Variants in MYOM3 observed in about 807,000 individuals in gnomAD.
The protein encoded by MYOM3 is myomesin 3.
Under a neutral mutation model 191.7 loss-of-function variants are expected in MYOM3, and 155 were observed. That is an observed-to-expected ratio of 0.81 (90% CI 0.71 to 0.92). The LOEUF (loss-of-function observed/expected upper bound fraction) is 0.92, where lower values mean the gene tolerates loss of function less well. Among genes scored for constraint, MYOM3 ranks in the 40% least tolerant of loss-of-function variants. MYOM3 has a pLI of 0.00. For synonymous variants in MYOM3, 757 were observed against 762.9 expected (o/e 0.99, Z 0.13); for missense variants, 1,889 against 1,890.6 (o/e 1.00, Z 0.02).
chr1:24,097,056 C>G (rs193276236), intron 7 of MYOM3, among the ~76,000 whole-genome samples: 220 of 152,342 alleles, frequency 1.4e-3, no homozygotes, highest in African/African-American at 5.2e-3. Flanking sequence ...CTGGCTGACT[C>G]CTGAGTGTCT....
rs1570885552 is a variant in MYOM3, at chr1:24,100,675, A to C, written c.561-900T>G. ...GCTGAGGCGGGCGGATCACGAGGTC[A>C]GGAGCTCGAGACTATCCTGGCTAAC... On this transcript the variant is annotated intron_variant, in intron 5 of 36. Transcript: ENST00000374434. Among the ~76,000 whole-genome samples the C allele has an allele frequency of 2.6e-5, 4 of 152,298 alleles. No homozygotes were observed. In the South Asian group the frequency reaches 8.3e-4, roughly 32 times the overall value.
rs750370370 is a variant in MYOM3, at chr1:24,097,928, A to G, written c.740T>C (p.Val247Ala). ...TTGGGGTTGGGAGGACTTACTGCGG[A>G]CGAGGACTTTGGCGAAGGAGGAGGC... ...GQASSFAKVLVRTYLGKDAGF... is the reference protein window; with the variant it reads ...GQASSFAKVLARTYLGKDAGF... The change falls in exon 7 of 37, where the codon GTC (valine) becomes GCC (alanine). Residue 247 changes from valine to alanine, a missense_variant. Transcript: ENST00000374434. The G allele has an allele frequency of 9.3e-6, 15 of 1,611,766 alleles. No homozygotes were observed. Among genetic ancestry groups the G allele is most frequent in the Non-Finnish European group, 1.2e-5 (14 of 1,178,014 alleles).
At chr1:24,101,966 A>C (rs1315750931) in intron 5 of MYOM3, among the ~76,000 whole-genome samples, 1 of 152,020 alleles carries the variant, frequency 6.6e-6, no homozygotes, top group Non-Finnish European at 1.5e-5. Flanking sequence ...CTGGATTTTG[A>C]CACAGCTTGC....
In MYOM3 at chr1:24,063,624, C is replaced by T. The variant is rs547021541; in HGVS notation, c.3623-94G>A. The T allele has an allele frequency of 2.6e-5, 37 of 1,444,812 alleles. No homozygotes were observed. The highest frequency in any genetic ancestry group is 9.3e-5 in the East Asian group (4 of 42,902). The allele number at this position is 1,444,812 out of a possible 1,614,324, so 89.5% of individuals were successfully genotyped here. A position where few individuals can be genotyped will look rare whatever the true frequency, so the allele number is the denominator to read the frequency against. ...ATCCTAGAAAAAGGCTGGTGGAGCC[C>T]GTGAGCTGCTCTCAGGGGGACAGGC... On this transcript the variant is annotated intron_variant, in intron 30 of 36. Transcript: ENST00000374434. The surrounding 1 kb of genome is among the most constrained non-coding windows in gnomAD (Gnocchi z 4.5).
At chr1:24,057,866 G>A (rs560484204) in intron 36 of MYOM3, among the ~76,000 whole-genome samples, 27 of 152,212 alleles carry the variant, frequency 1.8e-4, no homozygotes, top group African/African-American at 6.3e-4. Context: ...GAGTGCAGTG[G>A]CATGATCTCG....
intron 35 of MYOM3, among the ~76,000 whole-genome samples, chr1:24,059,504 T>C (rs1643342672): frequency 6.6e-6 from 1 of 152,226 alleles, no homozygotes; most frequent in Non-Finnish European, 1.5e-5. Context: ...TGGGACATAG[T>C]GTTTTTCTGC....
At chr1:24,061,356 T>C (rs1226284594) in intron 33 of MYOM3, 47 bp from the exon 34 acceptor site, 13 of 1,591,576 alleles carry the variant, frequency 8.2e-6, no homozygotes, top group South Asian at 3.3e-5. Flanking sequence ...GCCTCTGCTG[T>C]CTGATGATGG....
chr1:24,058,872 A>C, intron 36 of MYOM3, 52 bp downstream of exon 36: 1 of 1,354,184 alleles, frequency 7.4e-7, no homozygotes, highest in Non-Finnish European at 1.0e-6. Flanking sequence ...TGGTGGATGC[A>C]CGAAGGAACA....
rs373126261 is a variant in MYOM3 at position 24,107,317 on chromosome 1, A to C, written c.243-85T>G. The C allele has an allele frequency of 1.0e-5, 13 of 1,261,884 alleles. No individual in the cohort carries two copies. In the East Asian group the frequency reaches 1.1e-4, roughly 10 times the overall value. 78.2% of individuals were successfully genotyped at this position (1,261,884 alleles called of 1,614,324 possible). A position where few individuals can be genotyped will look rare whatever the true frequency, so the allele number is the denominator to read the frequency against. Reference sequence around the variant, plus strand: ...GCCAGTTCCATTCCCTGTGCCCAGCAGTGCCAGGATGCTTTAAACTTTTGG... The same window carrying C: ...GCCAGTTCCATTCCCTGTGCCCAGCCGTGCCAGGATGCTTTAAACTTTTGG... On this transcript the variant is annotated intron_variant, in intron 3 of 36. Coordinates refer to ENST00000374434, the MANE Select transcript of MYOM3 (RefSeq NM_152372.4).
chr1:24,103,256 C>T (rs757585127), intron 5 of MYOM3, among the ~76,000 whole-genome samples: 8 of 152,356 alleles, frequency 5.3e-5, no homozygotes, highest in Non-Finnish European at 1.2e-4. Flanking sequence ...GGGAGCAGTC[C>T]TCCTAGTGGG....
intron 20 of MYOM3, 26 bp from the exon 21 acceptor site, chr1:24,076,299 A>G: frequency 1.3e-6 from 2 of 1,561,170 alleles, no homozygotes; most frequent in Non-Finnish European, 1.8e-6. Context: ...AAGAGCCAGC[A>G]CTGAGGACAG....
intron 20 of MYOM3, among the ~76,000 whole-genome samples, chr1:24,078,272 A>G (rs566096594): frequency 6.6e-6 from 1 of 152,102 alleles, no homozygotes; most frequent in African/African-American, 2.4e-5. Flanking sequence ...GCGCCACCAC[A>G]CATGGCTAAT....
chr1:24,062,226 T>TC, intron 32 of MYOM3, 117 bp from the exon 33 acceptor site: 8 of 1,035,276 alleles, frequency 7.7e-6, no homozygotes, highest in South Asian at 3.0e-5. Flanking sequence ...GGGTGGTGAC[T>TC]ATGAGGCACC....
rs1444826641 is a variant in MYOM3, at chr1:24,063,361, C to T, written c.3662-127G>A. 41 of 1,385,002 alleles carry T rather than the reference C, an allele frequency of 3.0e-5. No individual in the cohort carries two copies. The highest frequency in any genetic ancestry group is 6.9e-5 in the East Asian group (3 of 43,494). The allele number at this position is 1,385,002 out of a possible 1,614,324, so 85.8% of individuals were successfully genotyped here. The stretch of plus-strand genomic sequence containing the variant: ...GGGGAAATGCAGTGCTGTGAAGAGG[C>T]GGGATTTTCTCTTCGGTGTTTGAGG... On this transcript the variant is annotated intron_variant, in intron 31 of 36. Transcript: ENST00000374434. The surrounding 1 kb of genome is among the most constrained non-coding windows in gnomAD (Gnocchi z 4.5).
chr1:24,107,831 G>A (rs897266277), intron 3 of MYOM3, among the ~76,000 whole-genome samples, 162 bp downstream of exon 3: 5 of 152,236 alleles, frequency 3.3e-5, no homozygotes, highest in Non-Finnish European at 5.9e-5. Context: ...GGCTTTGAGG[G>A]CAGGTAGCCC....
chr1:24,106,674 T>A (rs1360997568), intron 4 of MYOM3, among the ~76,000 whole-genome samples: 1 of 152,092 alleles, frequency 6.6e-6, no homozygotes, highest in Non-Finnish European at 1.5e-5. Context: ...CCTCTGCCTC[T>A]TGGGTTCAAG....
intron 15 of MYOM3, among the ~76,000 whole-genome samples, chr1:24,086,237 C>T (rs1008548521): frequency 3.3e-5 from 5 of 152,016 alleles, no homozygotes; most frequent in African/African-American, 1.2e-4. Flanking sequence ...TGGTGTCCTG[C>T]CTGGTAAGCC....
intron 23 of MYOM3, among the ~76,000 whole-genome samples, chr1:24,072,744 A>G (rs558269229): frequency 6.6e-6 from 1 of 152,296 alleles, no homozygotes; most frequent in Non-Finnish European, 1.5e-5. Context: ...CATGTTGGCC[A>G]GGCTGGTCTT....
At chr1:24,070,002 G>T (rs1643505743) in intron 25 of MYOM3, among the ~76,000 whole-genome samples, 1 of 152,144 alleles carries the variant, frequency 6.6e-6, no homozygotes, top group African/African-American at 2.4e-5. Context: ...CTCTCATGAG[G>T]TTGACATCGC....
Sources: gnomAD v4.1 joint callset for allele counts (sites outside exome capture counted in the v4.1 genomes callset) on GRCh38, gnomAD v4.1.1 for gene constraint, Gnocchi (gnomAD v3.1) non-coding constraint, MANE v1.5 for transcripts, NCBI Gene and HGNC (gene_info 2026-07-23, HGNC 2026-07-21) for gene names.